Variants in IGSF5 observed in about 807,000 individuals in gnomAD.
IGSF5 encodes the protein immunoglobulin superfamily 5 like.
IGSF5 carries 41 observed loss-of-function variants against 39.4 expected under a neutral mutation model. The observed-to-expected ratio is 1.04, with a 90% confidence interval of 0.81 to 1.35. The LOEUF is 1.35. Among genes scored for constraint, IGSF5 ranks in the 40% most tolerant of loss-of-function variants. IGSF5 has a pLI of 0.00. For missense variants in IGSF5, 487 were observed against 494.6 expected, an observed-to-expected ratio of 0.98 and a Z score of 0.15; for synonymous variants, 183 against 175.3, an observed-to-expected ratio of 1.04 and a Z score of -0.34.
rs972874834 is a variant in IGSF5, at chr21:39,801,570, G to A, written c.*213G>A. ...AATGTGACTTTTAAGAGGTTTCATG[G>A]TTTTTGTGAATTCCATGAAGTTACT... On this transcript the variant is annotated 3_prime_UTR_variant, in exon 9 of 9. Transcript: ENST00000380588. The A allele has an allele frequency of 2.4e-6, 1 of 412,358 alleles. No homozygotes were observed. The highest frequency in any genetic ancestry group is 8.1e-5 in the South Asian group (1 of 12,360). 25.5% of individuals were successfully genotyped at this position (412,358 alleles called of 1,614,324 possible).
At position 39,779,128 on chromosome 21, in the gene IGSF5, A is replaced by G; in HGVS notation, c.757A>G (p.Ser253Gly). Residue 253 changes from serine (S) to glycine (G), a missense_variant, in exon 5 of 9, where the codon AGT (serine) becomes GGT (glycine). By Grantham distance (56) the Ser-to-Gly change is moderately conservative (BLOSUM62 0). Coordinates refer to ENST00000380588, the MANE Select transcript of IGSF5 (RefSeq NM_001080444.2). Reference sequence around the variant, plus strand: ...TATTAATATTCCAGGTGTATTATCAAGTTTACCGAGTTTAGGTTTTTCATT... The same window carrying G: ...TATTAATATTCCAGGTGTATTATCAGGTTTACCGAGTTTAGGTTTTTCATT... ...GGINIPGVLS[S>G]LPSLGFSLPT... The G allele has an allele frequency of 1.2e-6, 2 of 1,613,730 alleles. No individual in the cohort carries two copies. Among genetic ancestry groups the G allele is most frequent in the Non-Finnish European group, 1.7e-6 (2 of 1,179,670 alleles).
chr21:39,761,691 CAG>C lies in IGSF5; in HGVS notation c.101-3841_101-3840del, dbSNP rs1279753427. On this transcript the variant is annotated intron_variant, in intron 2 of 8. Coordinates refer to ENST00000380588, the MANE Select transcript of IGSF5 (RefSeq NM_001080444.2). ...TTCCTTTCCTTTTCTTTTTTTGAGA[CAG>C]AGTCTTGCTCTGTCGCCCAGGCTGG... Among the ~76,000 whole-genome samples, 37 of 152,058 alleles carry C rather than the reference CAG, an allele frequency of 2.4e-4. 1 individual carries two copies. The highest frequency in any genetic ancestry group is 2.4e-3 in the Admixed American group (37 of 15,262).
the IGSF5 span, among the ~76,000 whole-genome samples, chr21:39,734,348 G>A: frequency 5.4e-5 from 8 of 148,356 alleles, no homozygotes; most frequent in Middle Eastern, 3.2e-3. Context: ...GCTTGAACCC[G>A]GGAGGCGGAG....
At chr21:39,766,616 T>C (rs1043688608) in intron 3 of IGSF5, among the ~76,000 whole-genome samples, 1 of 152,204 alleles carries the variant, frequency 6.6e-6, no homozygotes, top group African/African-American at 2.4e-5. Context: ...AAATTTATAA[T>C]AATAGCTTAT....
Position 39,770,982 on chromosome 21 carries a change from C to T in IGSF5, c.485C>T (p.Thr162Ile). ...GCTGAGAATGAACCTTGTGAAGTTA[C>T]TTGTCTACCCTCACACTGGACCCGG... ...VVAENEPCEV[T>I]CLPSHWTRLP... The change falls in exon 4 of 9, where the codon ACT becomes ATT. Residue 162 changes from threonine to isoleucine, a missense_variant. Thr to Ile is a moderately conservative substitution (Grantham distance 89). Transcript: ENST00000380588. The T allele has an allele frequency of 6.8e-6, 11 of 1,612,292 alleles. No homozygotes were observed. Among genetic ancestry groups the T allele is most frequent in the Non-Finnish European group, 9.3e-6 (11 of 1,179,158 alleles).
chr21:39,719,852 G>A, the IGSF5 span, among the ~76,000 whole-genome samples: 1 of 152,160 alleles, frequency 6.6e-6, no homozygotes, highest in East Asian at 1.9e-4. Context: ...AGGCTGATAG[G>A]GAGTCATTTC....
At chr21:39,737,440 C>A in the IGSF5 span, among the ~76,000 whole-genome samples, 2 of 152,054 alleles carry the variant, frequency 1.3e-5, no homozygotes, top group African/African-American at 2.4e-5. Context: ...ACAAGACAGA[C>A]CCCCTGTACT....
chr21:39,767,103 G>C (rs2080090893), intron 3 of IGSF5, among the ~76,000 whole-genome samples: 1 of 152,020 alleles, frequency 6.6e-6, no homozygotes, highest in Non-Finnish European at 1.5e-5. Flanking sequence ...TAGGACTGTT[G>C]GCCTATGTTG....
At position 39,801,298 on chromosome 21, in the gene IGSF5, C is replaced by G. The variant is rs375213364; in HGVS notation, c.1165C>G (p.Pro389Ala). The part of the protein sequence containing the change: ...DQRPPRPASH[P>A]QASFNLASPE... ...ACGTCCACCCAGGCCAGCAAGTCAT[C>G]CACAGGCTTCTTTTAATCTGGCCAG... Residue 389 changes from proline (P) to alanine (A), a missense_variant, in exon 9 of 9, where the codon CCA (proline) becomes GCA (alanine). Coordinates refer to ENST00000380588, the MANE Select transcript of IGSF5 (RefSeq NM_001080444.2). 7 of 1,614,138 alleles carry G rather than the reference C, an allele frequency of 4.3e-6. No homozygotes were observed. In the Admixed American group the frequency reaches 1.2e-4, roughly 27 times the overall value.
intron 4 of IGSF5, among the ~76,000 whole-genome samples, chr21:39,777,300 C>CT (rs1006713547): frequency 4.6e-5 from 7 of 152,132 alleles, no homozygotes; most frequent in African/African-American, 1.7e-4. Context: ...TACATTGTGG[C>CT]TGCGTACAAG....
intron 2 of IGSF5, chr21:39,751,125 A>G (rs1051386048): frequency 2.6e-5 from 4 of 152,292 alleles, no homozygotes; most frequent in Admixed American, 2.0e-4. Context: ...GTGAGGCCAC[A>G]TCTGCATTTA....
chr21:39,725,264 A>AT, the IGSF5 span, among the ~76,000 whole-genome samples: 1 of 152,224 alleles, frequency 6.6e-6, no homozygotes, highest in Admixed American at 6.5e-5. Context: ...TATTTTAGAT[A>AT]TTTTTTGGAA....
chr21:39,720,343 C>A, the IGSF5 span, among the ~76,000 whole-genome samples: 17 of 152,266 alleles, frequency 1.1e-4, no homozygotes, highest in African/African-American at 4.1e-4. Flanking sequence ...TGCTTATTCA[C>A]CAGCCACTCA....
chr21:39,760,274 G>A (rs1478609665), intron 2 of IGSF5, among the ~76,000 whole-genome samples: 2 of 152,112 alleles, frequency 1.3e-5, no homozygotes, highest in Non-Finnish European at 2.9e-5. Flanking sequence ...GTAGGCACTG[G>A]GATGTAAGAT....
chr21:39,738,748 T>G, the IGSF5 span, among the ~76,000 whole-genome samples: 1 of 151,892 alleles, frequency 6.6e-6, no homozygotes, highest in African/African-American at 2.4e-5. The surrounding 1 kb of genome is among the most constrained non-coding windows in gnomAD (Gnocchi z 6.4). Context: ...TTTGCAAGGT[T>G]TAATCCATGC....
At chr21:39,781,170 A>T (rs2080168435) in intron 5 of IGSF5, among the ~76,000 whole-genome samples, 3 of 150,536 alleles carry the variant, frequency 2.0e-5, no homozygotes. Context: ...TAACTTAAAA[A>T]AATTTCAGAC....
chr21:39,799,797 T>G (rs545911496), intron 8 of IGSF5, among the ~76,000 whole-genome samples: 1 of 152,246 alleles, frequency 6.6e-6, no homozygotes, highest in East Asian at 1.9e-4. Flanking sequence ...AGATGGGTCC[T>G]AAAGCACATT....
intron 5 of IGSF5, among the ~76,000 whole-genome samples, chr21:39,784,422 T>C (rs2080186581): frequency 6.6e-6 from 1 of 152,238 alleles, no homozygotes; most frequent in Non-Finnish European, 1.5e-5. Context: ...CCGATGGTTG[T>C]TGGCCCACAC....
At chr21:39,725,081 T>C in the IGSF5 span, among the ~76,000 whole-genome samples, 1 of 152,242 alleles carries the variant, frequency 6.6e-6, no homozygotes, top group Non-Finnish European at 1.5e-5. Context: ...GATGCTATTC[T>C]GTTCTCTGCT....
Sources: gnomAD v4.1 joint callset for allele counts (sites outside exome capture counted in the v4.1 genomes callset) on GRCh38, gnomAD v4.1.1 for gene constraint, Gnocchi (gnomAD v3.1) non-coding constraint, MANE v1.5 for transcripts, NCBI Gene and HGNC (gene_info 2026-07-23, HGNC 2026-07-21) for gene names.